HINT1: variants seen among roughly 807,000 people sequenced by gnomAD.
HINT1 encodes histidine triad nucleotide binding protein 1.
HINT1 carries 12 observed loss-of-function variants against 11.2 expected under a neutral mutation model. That is an observed-to-expected ratio of 1.07 (90% CI 0.69 to 1.74). The LOEUF (loss-of-function observed/expected upper bound fraction) is 1.74, where lower values mean the gene tolerates loss of function less well. Among genes scored for constraint, HINT1 ranks in the 40% most tolerant of loss-of-function variants. The pLI is 0.00. For missense variants in HINT1, 150 were observed against 161.8 expected, an observed-to-expected ratio of 0.93 and a Z score of 0.40; for synonymous variants, 42 against 52.6, an observed-to-expected ratio of 0.80 and a Z score of 0.87.
intron 1 of HINT1, among the ~76,000 whole-genome samples, chr5:131,163,422 C>T (rs769500991): frequency 1.3e-5 from 2 of 152,110 alleles, no homozygotes; most frequent in Non-Finnish European, 2.9e-5. Flanking sequence ...TCTCCCCCTC[C>T]AAACCCCAAC....
chr5:131,159,299 C>A lies in HINT1; in HGVS notation c.*148G>T. 1 of 587,584 alleles carries A rather than the reference C, an allele frequency of 1.7e-6. No individual in the cohort carries two copies. Among genetic ancestry groups the A allele is most frequent in the South Asian group, 2.9e-5 (1 of 35,016 alleles). The allele number at this position is 587,584 out of a possible 1,614,324, so 36.4% of individuals were successfully genotyped here. On this transcript the variant is annotated 3_prime_UTR_variant, in exon 3 of 3. Coordinates refer to ENST00000304043, the MANE Select transcript of HINT1 (RefSeq NM_005340.7). ...ACACTCAGAGAGACTATAAGCCATG[C>A]AACAATGTCTTTTATTATGTATGCG...
intron 1 of HINT1, among the ~76,000 whole-genome samples, chr5:131,164,841 G>C (rs1755352880): frequency 6.6e-6 from 1 of 151,816 alleles, no homozygotes; most frequent in Admixed American, 6.6e-5. Context: ...CCCGCGGTGC[G>C]GCACTCAGGG....
chr5:131,164,645 G>C (rs1276055220), intron 1 of HINT1, among the ~76,000 whole-genome samples: 2 of 152,204 alleles, frequency 1.3e-5, no homozygotes, highest in Admixed American at 1.3e-4. Context: ...GCCGGGCCCT[G>C]GCAGGCCGGC....
At chr5:131,165,060 C>T in intron 1 of HINT1, 35 bp downstream of exon 1, 6 of 1,613,106 alleles carry the variant, frequency 3.7e-6, no homozygotes, top group Non-Finnish European at 5.1e-6. Context: ...CGATACCCAC[C>T]TCAGCAGGCG....
At chr5:131,163,340 C>T (rs550817793) in intron 1 of HINT1, among the ~76,000 whole-genome samples, 1 of 152,304 alleles carries the variant, frequency 6.6e-6, no homozygotes, top group African/African-American at 2.4e-5. Flanking sequence ...CCTGCCTCTC[C>T]AGATCTCCTG....
At chr5:131,159,741 G>A in intron 2 of HINT1, 130 bp from the exon 3 acceptor site, 1 of 779,846 alleles carries the variant, frequency 1.3e-6, no homozygotes, top group Non-Finnish European at 2.0e-6. Context: ...GCAAATATTT[G>A]GAAACTCTTA....
chr5:131,162,347 T>TGTTGATAAG, intron 2 of HINT1: 1 of 804,274 alleles, frequency 1.2e-6, no homozygotes, highest in Non-Finnish European at 2.0e-6. Flanking sequence ...TAATAGCAAG[T>TGTTGATAAG]GTTGATAAGG....
chr5:131,162,971 G>A (rs1227688032), intron 1 of HINT1, among the ~76,000 whole-genome samples: 1 of 152,076 alleles, frequency 6.6e-6, no homozygotes, highest in Non-Finnish European at 1.5e-5. Flanking sequence ...CCAAGTAGCT[G>A]GGATTACAGG....
At chr5:131,165,005 C>T in intron 1 of HINT1, 90 bp downstream of exon 1, 1 of 1,571,152 alleles carries the variant, frequency 6.4e-7, no homozygotes, top group Non-Finnish European at 8.6e-7. Flanking sequence ...CCGCTACACT[C>T]GCGACCCCTC....
chr5:131,163,476 C>G (rs1299226881), intron 1 of HINT1, among the ~76,000 whole-genome samples: 2 of 152,084 alleles, frequency 1.3e-5, no homozygotes, highest in Non-Finnish European at 2.9e-5. Flanking sequence ...ATTCCATTCC[C>G]AGCACATACA....
chr5:131,162,203 T>A (rs3864284), intron 2 of HINT1: 33,183 of 528,650 alleles, frequency 0.063, 3,566 homozygotes, highest in African/African-American at 0.34. Context: ...GGGCGCCTGT[T>A]GTCCCACTAC....
At position 131,159,591 on chromosome 5, in the gene HINT1, A is replaced by T. The variant is rs778878755; in HGVS notation, c.237T>A (p.Ile79=). ...GATCAGCAGCACATTTCTTGCCAAC[A>T]ATCATTAAGTGTCCAAGAAGCTGGA... is the stretch of plus-strand genomic sequence containing the variant. ...DDESLLGHLM[I]VGKKCAADLG... Residue 79 remains isoleucine (I), a synonymous_variant, in exon 3 of 3, where the codon ATT becomes ATA. Transcript: ENST00000304043. The T allele has an allele frequency of 4.3e-6, 7 of 1,613,006 alleles. No individual in the cohort carries two copies. Among genetic ancestry groups the T allele is most frequent in the Non-Finnish European group, 5.9e-6 (7 of 1,179,496 alleles).
intron 1 of HINT1, among the ~76,000 whole-genome samples, chr5:131,163,653 T>C (rs949963536): frequency 6.6e-6 from 1 of 152,182 alleles, no homozygotes; most frequent in African/African-American, 2.4e-5. Context: ...TTGATTAATA[T>C]CTATTCTCAC....
chr5:131,160,718 A>T, intron 2 of HINT1: 1 of 1,227,396 alleles, frequency 8.1e-7, no homozygotes, highest in Non-Finnish European at 1.1e-6. Context: ...AAGTTGGGGA[A>T]ATTATGATTT....
intron 1 of HINT1, among the ~76,000 whole-genome samples, chr5:131,163,570 T>C (rs939438680): frequency 3.8e-4 from 58 of 151,756 alleles, no homozygotes; most frequent in African/African-American, 1.4e-3. Flanking sequence ...AGAGTCCTAG[T>C]TGTGCAATTT....
intron 2 of HINT1, 95 bp downstream of exon 2, chr5:131,162,477 C>A: frequency 2.5e-6 from 4 of 1,571,396 alleles, no homozygotes; most frequent in Non-Finnish European, 8.6e-7. Flanking sequence ...TTAGTAATGA[C>A]CTTAGGAAGA....
intron 2 of HINT1, 69 bp downstream of exon 2, chr5:131,162,503 A>T: frequency 6.2e-7 from 1 of 1,601,416 alleles, no homozygotes; most frequent in Non-Finnish European, 8.5e-7. Context: ...ATGTGACAGC[A>T]CTTTAAGGAC....
chr5:131,163,319 G>A (rs1580685066), intron 1 of HINT1, among the ~76,000 whole-genome samples: 1 of 152,306 alleles, frequency 6.6e-6, no homozygotes. Flanking sequence ...AATTGGCCAT[G>A]CTAATCCTTG....
Position 131,159,496 on chromosome 5 carries a change from A to G in HINT1, c.332T>C (p.Val111Ala). Reference protein sequence around the residue: ...GSDGGQSVYHVHLHVLGGRQM... With the variant: ...GSDGGQSVYHAHLHVLGGRQM... Reference sequence around the variant, plus strand: ...CCGACCTCCAAGAACATGGAGATGAACGTGATAGACAGACTGTCCACCATC... The same window carrying G: ...CCGACCTCCAAGAACATGGAGATGAGCGTGATAGACAGACTGTCCACCATC... Residue 111 changes from valine (V) to alanine (A), a missense_variant, in exon 3 of 3, where the codon GTT becomes GCT. Transcript: ENST00000304043. The G allele has an allele frequency of 1.2e-6, 2 of 1,613,554 alleles. No homozygotes were observed. Among genetic ancestry groups the G allele is most frequent in the South Asian group, 1.1e-5 (1 of 91,030 alleles).
Sources: gnomAD v4.1 joint callset for allele counts (sites outside exome capture counted in the v4.1 genomes callset) on GRCh38, gnomAD v4.1.1 for gene constraint, MANE v1.5 for transcripts, NCBI Gene and HGNC (gene_info 2026-07-23, HGNC 2026-07-21) for gene names.